DKK3: variants seen among roughly 807,000 people sequenced by gnomAD.
DKK3 encodes dickkopf Wnt signaling pathway inhibitor 3.
A neutral mutation model predicts 33.2 loss-of-function variants in DKK3; 22 were observed. The observed-to-expected ratio is 0.66, with a 90% CI of 0.47 to 0.95. DKK3 has a LOEUF of 0.95. Ranked by LOEUF, DKK3 falls within the 40% of genes least tolerant of loss-of-function variation. The pLI, the probability that DKK3 is intolerant of heterozygous loss-of-function variation, is 0.00. For synonymous variants in DKK3, 194 were observed against 188.8 expected, an observed-to-expected ratio of 1.03 and a Z score of -0.23; for missense variants, 398 against 458.4, an observed-to-expected ratio of 0.87 and a Z score of 1.20.
intron 3 of DKK3, among the ~76,000 whole-genome samples, chr11:11,998,006 C>T (rs577828446): frequency 2.6e-5 from 4 of 152,254 alleles, no homozygotes; most frequent in East Asian, 1.9e-4. Flanking sequence ...CGTGTGCATC[C>T]GAAGCCAGCA....
chr11:11,991,962 A>C (rs16910301), intron 3 of DKK3, among the ~76,000 whole-genome samples: 1 of 152,132 alleles, frequency 6.6e-6, no homozygotes, highest in Non-Finnish European at 1.5e-5. Context: ...TTATGCATCC[A>C]TATTGTAATG....
intron 3 of DKK3, among the ~76,000 whole-genome samples, chr11:11,982,574 G>T (rs913093361): frequency 1.3e-5 from 2 of 152,190 alleles, no homozygotes; most frequent in Admixed American, 1.3e-4. Context: ...AGAATTGGCG[G>T]ACCTCTCAGA....
At chr11:11,971,610 C>T (rs145780724) in intron 3 of DKK3, among the ~76,000 whole-genome samples, 5 of 152,290 alleles carry the variant, frequency 3.3e-5, no homozygotes, top group East Asian at 1.9e-4. Flanking sequence ...GAAAGGCCTT[C>T]GTAGACTTGC....
Position 11,964,520 on chromosome 11 carries a change from C to T in DKK3, c.997G>A (p.Ala333Thr). Residue 333 changes from alanine (A) to threonine (T), a missense_variant, in exon 7 of 7, where the codon GCG (alanine) becomes ACG (threonine). Ala to Thr is a moderately conservative substitution (Grantham distance 58). Transcript: ENST00000683431. Reference sequence around the variant, plus strand: ...GCGGCAGCCGCAGGCTCCCTCAGCGCCATCTCTTCAGTCAGGCTCCTCTCC... The same window carrying T: ...GCGGCAGCCGCAGGCTCCCTCAGCGTCATCTCTTCAGTCAGGCTCCTCTCC... ...DLERSLTEEM[A>T]LREPAAAAAA... 1 of 1,613,972 alleles carries T rather than the reference C, an allele frequency of 6.2e-7. No individual in the cohort carries two copies. The highest frequency in any genetic ancestry group is 8.5e-7 in the Non-Finnish European group (1 of 1,180,018).
chr11:11,989,634 G>A (rs1848146962), intron 3 of DKK3, among the ~76,000 whole-genome samples: 1 of 152,198 alleles, frequency 6.6e-6, no homozygotes. Flanking sequence ...TTTGCAAGAT[G>A]AGAAGAATTC....
chr11:11,998,700 C>T lies in DKK3; in HGVS notation c.431G>A (p.Ser144Asn). Residue 144 changes from serine to asparagine, a missense_variant, in exon 3 of 7, where the codon AGC (serine) becomes AAC (asparagine). Physicochemically the swap from Ser to Asn is conservative, Grantham distance 46. Coordinates refer to ENST00000683431, the MANE Select transcript of DKK3 (RefSeq NM_001018057.2). ...ACAGGGGAAATGACAACTTACGTGG[C>T]TCCTTCTGCCTTCTTCGTCTCCCAC... ...TSVGDEEGRR[S>N]HECIIDEDCG... 1 of 1,613,924 alleles carries T rather than the reference C, an allele frequency of 6.2e-7. No homozygotes were observed. Among genetic ancestry groups the T allele is most frequent in the Non-Finnish European group, 8.5e-7 (1 of 1,179,798 alleles).
rs1016817549 is a variant in DKK3, at chr11:12,008,162, G to A, written c.213+208C>T. Among the ~76,000 whole-genome samples the A allele has an allele frequency of 6.6e-6, 1 of 151,672 alleles. No individual in the cohort carries two copies. The highest frequency in any genetic ancestry group is 1.5e-5 in the Non-Finnish European group (1 of 67,902). ...CAGAGCCTCTCGGTGGACAGGCTCA[G>A]ATCCAGACTTTTTGGCAAGGAGGCA... is the stretch of plus-strand genomic sequence containing the variant. On this transcript the variant is annotated intron_variant, in intron 1 of 6. Coordinates refer to ENST00000683431, the MANE Select transcript of DKK3 (RefSeq NM_001018057.2). The surrounding 1 kb of genome is among the most constrained non-coding windows in gnomAD (Gnocchi z 4.6).
chr11:12,003,564 TG>T (rs1306353842), intron 1 of DKK3, among the ~76,000 whole-genome samples: 3 of 152,050 alleles, frequency 2.0e-5, no homozygotes, highest in Admixed American at 6.6e-5. Context: ...AGTGGGCAGT[TG>T]ACAATGTGAC....
chr11:11,966,843 C>G (rs1276935058), intron 5 of DKK3, 111 bp downstream of exon 5: 1 of 1,473,250 alleles, frequency 6.8e-7, no homozygotes, highest in Non-Finnish European at 9.2e-7. Context: ...GGGAGCCTAT[C>G]CAAGAGGTGG....
At chr11:11,999,530 CAGG>C (rs1181940402) in intron 2 of DKK3, among the ~76,000 whole-genome samples, 2 of 152,226 alleles carry the variant, frequency 1.3e-5, no homozygotes, top group African/African-American at 4.8e-5. Flanking sequence ...GAGGCTGAGG[CAGG>C]AGAATTGCTT....
At chr11:11,970,829 T>A (rs1295611258) in intron 3 of DKK3, among the ~76,000 whole-genome samples, 2 of 152,256 alleles carry the variant, frequency 1.3e-5, no homozygotes, top group East Asian at 3.8e-4. Flanking sequence ...AATGCAGCCC[T>A]GCCCACTCTT....
At chr11:11,995,103 A>T (rs34091180) in intron 3 of DKK3, among the ~76,000 whole-genome samples, 2,406 of 152,156 alleles carry the variant, frequency 0.016, 21 homozygotes, top group Non-Finnish European at 0.023. Context: ...GTTTCTAGAG[A>T]CAGGGTATTC....
chr11:11,983,765 C>G (rs532812136), intron 3 of DKK3, among the ~76,000 whole-genome samples: 34 of 152,360 alleles, frequency 2.2e-4, no homozygotes, highest in Middle Eastern at 3.4e-3. Flanking sequence ...CCAGGATGAG[C>G]TGGGCACTCC....
At chr11:11,994,582 T>C (rs969092573) in intron 3 of DKK3, 4 of 152,060 alleles carry the variant, frequency 2.6e-5, no homozygotes, top group African/African-American at 9.7e-5. Context: ...TGCACTTCTG[T>C]TAAAATCATA....
chr11:12,004,931 G>A (rs146571072), intron 1 of DKK3, among the ~76,000 whole-genome samples: 158 of 152,290 alleles, frequency 1.0e-3, no homozygotes, highest in African/African-American at 3.6e-3. Context: ...AAGGGGAGAA[G>A]AAATGGGGCT....
rs145694449 is a variant in DKK3 at position 12,001,062 on chromosome 11, A to T, written c.351+1238T>A. On this transcript the variant is annotated intron_variant, in intron 2 of 6. Transcript: ENST00000683431. ...ATTTAAGTAATTTTTCAAAAATCAC[A>T]CTAGTGACTGGTAGGACTCACACTC... 3.5e-3 allele frequency among the ~76,000 whole-genome samples: 526 copies of T among 152,368 alleles called. 6 individuals carry two copies. Among genetic ancestry groups the T allele is most frequent in the African/African-American group, 0.012 (511 of 41,596 alleles).
intron 3 of DKK3, among the ~76,000 whole-genome samples, chr11:11,989,225 T>C (rs1848136789): frequency 6.6e-6 from 1 of 152,234 alleles, no homozygotes; most frequent in South Asian, 2.1e-4. Context: ...AGTGAAAGCA[T>C]TTGATATGAA....
At chr11:11,992,148 T>C (rs1306974189) in intron 3 of DKK3, among the ~76,000 whole-genome samples, 1 of 152,220 alleles carries the variant, frequency 6.6e-6, no homozygotes, top group Non-Finnish European at 1.5e-5. Flanking sequence ...AATCAAATCA[T>C]AACAAATGCC....
intron 2 of DKK3, among the ~76,000 whole-genome samples, chr11:12,001,359 G>A (rs899507999): frequency 2.0e-5 from 3 of 152,214 alleles, no homozygotes; most frequent in Non-Finnish European, 2.9e-5. Context: ...CTACTTTATA[G>A]TCAAGGCAAC....
Sources: allele counts gnomAD v4.1 joint callset (sites outside exome capture counted in the v4.1 genomes callset), GRCh38; gene constraint gnomAD v4.1.1; non-coding constraint Gnocchi (gnomAD v3.1); transcripts MANE v1.5; gene names NCBI Gene and HGNC (gene_info 2026-07-23, HGNC 2026-07-21).